SENP2: variants seen among roughly 807,000 people sequenced by gnomAD.
The protein encoded by SENP2 is sentrin-specific protease 2.
A neutral mutation model predicts 86.3 loss-of-function variants in SENP2; 16 were observed. The ratio of observed to expected loss-of-function variants is 0.19; its 90% CI spans 0.13 to 0.28. The LOEUF is 0.28. SENP2 is among the 10% of genes least tolerant of loss of function. SENP2 has a pLI of 1.00. For synonymous variants in SENP2, 222 were observed against 238.7 expected, an observed-to-expected ratio of 0.93 and a Z score of 0.64; for missense variants, 552 against 703.0, an observed-to-expected ratio of 0.79 and a Z score of 2.43.
In SENP2 at chr3:185,632,382, C is replaced by T. The variant is rs1712523741; in HGVS notation, c.*2538C>T. 7.0e-6 allele frequency: 1 copy of T among 141,978 alleles called. No homozygotes were observed. Among genetic ancestry groups the T allele is most frequent in the Non-Finnish European group, 1.5e-5 (1 of 65,614 alleles). The allele number at this position is 141,978 out of a possible 1,614,324, so 8.8% of individuals were successfully genotyped here. Reference sequence around the variant, plus strand: ...CCTGCGTAGCTGGGATTACAGGTGCCCACCACCACACCCTGCTAATTTTTG... The same window carrying T: ...CCTGCGTAGCTGGGATTACAGGTGCTCACCACCACACCCTGCTAATTTTTG... On this transcript the variant is annotated 3_prime_UTR_variant, in exon 17 of 17. Transcript: ENST00000296257.
At chr3:185,623,023 A>G (rs1711961410) in intron 14 of SENP2, among the ~76,000 whole-genome samples, 1 of 151,496 alleles carries the variant, frequency 6.6e-6, no homozygotes, top group South Asian at 2.1e-4. Context: ...CTCCATGTTG[A>G]TCATGCTGGT....
chr3:185,632,224 G>GTTTTTTTTTTTGTT lies in SENP2; in HGVS notation c.*2391_*2392insGTTTTTTTTTTTTT, dbSNP rs1712510296. On this transcript the variant is annotated 3_prime_UTR_variant, in exon 17 of 17. Coordinates refer to ENST00000296257, the MANE Select transcript of SENP2 (RefSeq NM_021627.3). ...CATTAAAGCCAGTGGTTTTTTTTTT[G>GTTTTTTTTTTTGTT]TTTTTTTTTTTTGTTTTTTTTTTTT... is the stretch of plus-strand genomic sequence containing the variant. The GTTTTTTTTTTTGTT allele has an allele frequency of 1.4e-5, 1 of 71,900 alleles. No individual in the cohort carries two copies. The allele number at this position is 71,900 out of a possible 1,614,324, so 4.5% of individuals were successfully genotyped here. A position where few individuals can be genotyped will look rare whatever the true frequency, so the allele number is the denominator to read the frequency against.
rs1712347512 is a variant in SENP2 at position 185,630,105 on chromosome 3, T to A, written c.*261T>A. The A allele has an allele frequency of 2.3e-5, 8 of 354,294 alleles. No homozygotes were observed. The South Asian group carries it at 4.5e-4, about 20-fold the overall frequency. The allele number at this position is 354,294 out of a possible 1,614,324, so 21.9% of individuals were successfully genotyped here. On this transcript the variant is annotated 3_prime_UTR_variant, in exon 17 of 17. Transcript: ENST00000296257. The stretch of plus-strand genomic sequence containing the variant: ...CACAAGAACAAACGCTAACTAATAT[T>A]TTTTTTAAGAGATTCTTTTCCCTAT...
At chr3:185,629,137 A>C (rs1037860219) in intron 16 of SENP2, among the ~76,000 whole-genome samples, 1 of 152,238 alleles carries the variant, frequency 6.6e-6, no homozygotes, top group Non-Finnish European at 1.5e-5. Flanking sequence ...AAAACAGAAT[A>C]TGTTCATTTT....
At chr3:185,593,840 T>G (rs1166793153) in intron 2 of SENP2, among the ~76,000 whole-genome samples, 1 of 151,846 alleles carries the variant, frequency 6.6e-6, no homozygotes, top group Non-Finnish European at 1.5e-5. Flanking sequence ...GTGATTCTCC[T>G]GCCTCAGCCT....
intron 15 of SENP2, among the ~76,000 whole-genome samples, chr3:185,624,884 AAG>A (rs1194844881): frequency 6.6e-6 from 1 of 152,034 alleles, no homozygotes; most frequent in Non-Finnish European, 1.5e-5. Context: ...AAAAAAGAAA[AAG>A]AAAAATTTGA....
rs577794338 is a variant in SENP2 at position 185,601,838 on chromosome 3, A to T, written c.449+983A>T. ...TTTTTAGTAGACACAAGGTTTCACC[A>T]TGTTGGCCAGGCCAGTCTCAAACTC... On this transcript the variant is annotated intron_variant, in intron 5 of 16. Coordinates refer to ENST00000296257, the MANE Select transcript of SENP2 (RefSeq NM_021627.3). Among the ~76,000 whole-genome samples the T allele has an allele frequency of 5.9e-5, 9 of 151,954 alleles. No homozygotes were observed. In the South Asian group the frequency reaches 1.7e-3, roughly 28 times the overall value.
intron 5 of SENP2, among the ~76,000 whole-genome samples, chr3:185,605,401 A>T (rs191074875): frequency 6.6e-6 from 1 of 152,180 alleles, no homozygotes; most frequent in Admixed American, 6.5e-5. Flanking sequence ...ATTCACTTAC[A>T]TGATCATGGA....
chr3:185,624,257 A>G (rs1712036615), intron 15 of SENP2, among the ~76,000 whole-genome samples, 175 bp downstream of exon 15: 1 of 151,420 alleles, frequency 6.6e-6, no homozygotes, highest in Non-Finnish European at 1.5e-5. Flanking sequence ...TGCCCAGGCT[A>G]GTCTCGGGCC....
intron 2 of SENP2, among the ~76,000 whole-genome samples, chr3:185,590,814 A>C (rs140735327): frequency 8.5e-6 from 1 of 117,172 alleles, no homozygotes; most frequent in African/African-American, 3.4e-5. Flanking sequence ...TGAGCCAAGA[A>C]TCTGCTACTG....
chr3:185,624,020 A>C lies in SENP2; in HGVS notation c.1549A>C (p.Lys517Gln). The part of the protein sequence containing the change: ...ILLQYLQDES[K>Q]TKRNSDLNLL... ...TAGTCAGTATTTACAGGATGAAAGT[A>C]AGACCAAAAGAAATAGTGATCTGAA... Residue 517 changes from lysine (K) to glutamine (Q), a missense_variant, in exon 15 of 17, where the codon AAG (lysine) becomes CAG (glutamine). Coordinates refer to ENST00000296257, the MANE Select transcript of SENP2 (RefSeq NM_021627.3). 6.2e-6 allele frequency: 10 copies of C among 1,611,608 alleles called. No homozygotes were observed. Among genetic ancestry groups the C allele is most frequent in the Non-Finnish European group, 7.6e-6 (9 of 1,178,346 alleles).
chr3:185,606,010 A>G (rs1331620473), intron 5 of SENP2, among the ~76,000 whole-genome samples: 1 of 152,174 alleles, frequency 6.6e-6, no homozygotes, highest in Non-Finnish European at 1.5e-5. Flanking sequence ...CCAGGTGACT[A>G]AAGGAAAAAT....
chr3:185,608,105 C>T (rs1206605342), intron 6 of SENP2, among the ~76,000 whole-genome samples: 2 of 152,188 alleles, frequency 1.3e-5, no homozygotes, highest in African/African-American at 4.8e-5. Context: ...GTCCCAGGTA[C>T]TGTGCTAGTT....
At chr3:185,607,319 C>CTTTTTTTTT (rs758884593) in intron 6 of SENP2, among the ~76,000 whole-genome samples, 1 of 66,034 alleles carries the variant, frequency 1.5e-5, no homozygotes, top group Non-Finnish European at 3.0e-5. Context: ...AGATTAGATT[C>CTTTTTTTTT]TTTTTTTTTT....
Position 185,617,490 on chromosome 3 carries a change from A to C in SENP2, c.1121A>C (p.Lys374Thr). Residue 374 changes from lysine to threonine, a missense_variant, in exon 12 of 17, where the codon AAG becomes ACG. Lys to Thr is a moderately conservative substitution (Grantham distance 78). Transcript: ENST00000296257. ...AACTTTCTAATTCAGGACATGGAAA[A>C]GGAAATCAGTAATGCCCTAGGCCAT... ...DLLELTEDME[K>T]EISNALGHGP... is the part of the protein sequence containing the mutation. 2 of 1,607,022 alleles carry C rather than the reference A, an allele frequency of 1.2e-6. No homozygotes were observed. The highest frequency in any genetic ancestry group is 2.2e-5 in the South Asian group (2 of 89,288).
In SENP2 at chr3:185,592,007, A is replaced by ATTTTTTTTTTTTTT. The variant is rs1261238822; in HGVS notation, c.157+1841_157+1842insTTTTTTTTTTTTTT. On this transcript the variant is annotated intron_variant, in intron 2 of 16. Coordinates refer to ENST00000296257, the MANE Select transcript of SENP2 (RefSeq NM_021627.3). ...ACTCCTGTCTTTAAGAACCGGTAAT[A>ATTTTTTTTTTTTTT]TTTCTTTTTTTTTTTTTTTTTTTTT... Among the ~76,000 whole-genome samples, 53 of 35,030 alleles carry ATTTTTTTTTTTTTT rather than the reference A, an allele frequency of 1.5e-3. 2 individuals carry two copies. The highest frequency in any genetic ancestry group is 9.2e-3 in the East Asian group (11 of 1,194). The allele number at this position is 35,030 out of a possible 152,430, so 23.0% of individuals were successfully genotyped here.
chr3:185,595,876 C>T (rs950424132), intron 2 of SENP2, among the ~76,000 whole-genome samples: 1 of 150,760 alleles, frequency 6.6e-6, no homozygotes, highest in African/African-American at 2.4e-5. Flanking sequence ...TCTCACCTCA[C>T]TGCAACCTCT....
rs2148999243 is a variant in SENP2, at chr3:185,631,702, G to C, written c.*1858G>C. 7.6e-6 allele frequency: 1 copy of C among 131,076 alleles called. No individual in the cohort carries two copies. The highest frequency in any genetic ancestry group is 8.3e-5 in the Admixed American group (1 of 12,108). The allele number at this position is 131,076 out of a possible 1,614,324, so 8.1% of individuals were successfully genotyped here. On this transcript the variant is annotated 3_prime_UTR_variant, in exon 17 of 17. Coordinates refer to ENST00000296257, the MANE Select transcript of SENP2 (RefSeq NM_021627.3). ...GTAATGAGCACAGCCAAAAAGGCCAGAGGTTCACTAGGTCAGCATCATACC... is the reference window on the plus strand; with the variant it reads ...GTAATGAGCACAGCCAAAAAGGCCACAGGTTCACTAGGTCAGCATCATACC...
chr3:185,622,069 G>A (rs1468185397), intron 14 of SENP2, among the ~76,000 whole-genome samples, 164 bp downstream of exon 14: 1 of 152,136 alleles, frequency 6.6e-6, no homozygotes, highest in Non-Finnish European at 1.5e-5. Flanking sequence ...CTGAGAAAAC[G>A]TGTTTAGTAG....
Sources: allele counts gnomAD v4.1 joint callset (sites outside exome capture counted in the v4.1 genomes callset), GRCh38; gene constraint gnomAD v4.1.1; transcripts MANE v1.5; gene names NCBI Gene and HGNC (gene_info 2026-07-23, HGNC 2026-07-21).